Variants in CSMD3 observed in about 807,000 individuals in gnomAD.
CSMD3 encodes the protein CUB and sushi domain-containing protein 3.
Under a neutral mutation model 435.2 loss-of-function variants are expected in CSMD3, and 177 were observed. The observed-to-expected ratio is 0.41, with a 90% confidence interval of 0.36 to 0.46. CSMD3 has a LOEUF of 0.46. CSMD3 is among the 20% of genes least tolerant of loss of function. The probability of loss-of-function intolerance (pLI) is 0.34; values close to 1 mark genes in which losing one functional copy is unlikely to be tolerated. For synonymous variants in CSMD3, 1,656 were observed against 1,520.5 expected, an observed-to-expected ratio of 1.09 and a Z score of -2.07; for missense variants, 4,265 against 4,504.6, an observed-to-expected ratio of 0.95 and a Z score of 1.52.
intron 13 of CSMD3, among the ~76,000 whole-genome samples, chr8:112,691,798 G>GT (rs1311114862): frequency 6.6e-6 from 1 of 151,718 alleles, no homozygotes; most frequent in African/African-American, 2.4e-5. Context: ...TTGTTTGTTT[G>GT]TTTTTTTGTT....
intron 1 of CSMD3, among the ~76,000 whole-genome samples, chr8:113,394,755 A>G (rs2094475603): frequency 6.6e-6 from 1 of 152,182 alleles, no homozygotes; most frequent in Non-Finnish European, 1.5e-5. Context: ...CATGAAAGAC[A>G]TAGACTCTGC....
chr8:112,529,002 TCC>T (rs1825262921), intron 27 of CSMD3, among the ~76,000 whole-genome samples: 1 of 152,084 alleles, frequency 6.6e-6, no homozygotes, highest in African/African-American at 2.4e-5. Context: ...GCTTCAAGCT[TCC>T]CTGCTGCTCA....
chr8:112,719,356 A>C (rs143600887), intron 13 of CSMD3, among the ~76,000 whole-genome samples: 23 of 152,296 alleles, frequency 1.5e-4, no homozygotes, highest in Non-Finnish European at 3.4e-4. Flanking sequence ...TACACTGCTC[A>C]GCTTATGCTG....
chr8:112,496,016 C>T (rs1404462622), intron 30 of CSMD3, among the ~76,000 whole-genome samples: 1 of 151,954 alleles, frequency 6.6e-6, no homozygotes, highest in African/African-American at 2.4e-5. Flanking sequence ...GTAGCCCAGG[C>T]TGGAGTGTAG....
rs2130813791 is a variant in CSMD3, at chr8:112,311,062, G to A, written c.7801C>T (p.Arg2601Ter). Reference protein sequence around the residue: ...VVRWACDRGFRLVGKSSAVCR... With the variant: ...VVRWACDRGF ...ACAGCACTGCTTTTTCCAACAAGTCGGAATCCTCGATCACAGGCCCAACGG... is the reference window on the plus strand; with the variant it reads ...ACAGCACTGCTTTTTCCAACAAGTCAGAATCCTCGATCACAGGCCCAACGG... The change falls in exon 50 of 71, where the codon CGA (arginine) becomes TGA (stop). Residue 2601 changes from arginine (R) to a stop codon, truncating the protein, a stop_gained. Coordinates refer to ENST00000297405, the MANE Select transcript of CSMD3 (RefSeq NM_198123.2). LOFTEE classifies it high-confidence loss of function. 1 of 1,613,984 alleles carries A rather than the reference G, an allele frequency of 6.2e-7. No homozygotes were observed. The highest frequency in any genetic ancestry group is 8.5e-7 in the Non-Finnish European group (1 of 1,179,970).
intron 7 of CSMD3, among the ~76,000 whole-genome samples, chr8:112,959,174 T>A (rs2084140293): frequency 6.6e-6 from 1 of 152,024 alleles, no homozygotes; most frequent in South Asian, 2.1e-4. Flanking sequence ...ACAGACATGT[T>A]TAGTATTAGT....
chr8:112,955,322 T>C (rs755472579), intron 7 of CSMD3, among the ~76,000 whole-genome samples: 2 of 151,766 alleles, frequency 1.3e-5, no homozygotes, highest in Admixed American at 6.6e-5. Flanking sequence ...TTAGTCCATA[T>C]TGCACAAAAT....
chr8:113,159,331 G>T (rs1588174093), intron 4 of CSMD3, among the ~76,000 whole-genome samples: 1 of 151,788 alleles, frequency 6.6e-6, no homozygotes, highest in Admixed American at 6.6e-5. Flanking sequence ...GCCAATATTG[G>T]CCAATAAAAT....
At chr8:113,388,372 AATAATAC>A (rs2094448045) in intron 1 of CSMD3, among the ~76,000 whole-genome samples, 1 of 151,624 alleles carries the variant, frequency 6.6e-6, no homozygotes, top group African/African-American at 2.4e-5. Context: ...TAGATGAATG[AATAATAC>A]ATTGTGGTAC....
intron 1 of CSMD3, among the ~76,000 whole-genome samples, chr8:113,385,373 T>C (rs1432095244): frequency 1.3e-5 from 2 of 152,110 alleles, no homozygotes; most frequent in Non-Finnish European, 2.9e-5. Flanking sequence ...TGAAACGATT[T>C]ACCAATGTCC....
In CSMD3 at chr8:112,415,623, C is replaced by G. The variant is rs532487870; in HGVS notation, c.5396-6591G>C. Among the ~76,000 whole-genome samples, 181 of 152,266 alleles carry G rather than the reference C, an allele frequency of 1.2e-3. 1 individual carries two copies. Among genetic ancestry groups the G allele is most frequent in the Non-Finnish European group, 1.4e-3 (95 of 68,016 alleles). The stretch of plus-strand genomic sequence containing the variant: ...TGGTAGATTCACTGACAGCTTGTAT[C>G]GTGCACCAGGAAAAGTCACAGATGC... On this transcript the variant is annotated intron_variant, in intron 32 of 70. Coordinates refer to ENST00000297405, the MANE Select transcript of CSMD3 (RefSeq NM_198123.2).
chr8:113,000,939 T>C (rs2131068782), intron 6 of CSMD3, among the ~76,000 whole-genome samples: 1 of 152,104 alleles, frequency 6.6e-6, no homozygotes, highest in South Asian at 2.1e-4. Flanking sequence ...CATTCTTTTT[T>C]CCCCCATCTA....
intron 31 of CSMD3, among the ~76,000 whole-genome samples, chr8:112,492,011 T>A (rs1449018762): frequency 3.3e-5 from 5 of 152,232 alleles, no homozygotes; most frequent in Non-Finnish European, 5.9e-5. Context: ...TATCTCCTTC[T>A]AGACAACCTA....
intron 13 of CSMD3, among the ~76,000 whole-genome samples, chr8:112,750,682 A>T (rs2077548198): frequency 6.6e-6 from 1 of 152,112 alleles, no homozygotes; most frequent in Non-Finnish European, 1.5e-5. Flanking sequence ...GAATGATCCA[A>T]GGGTGGAATA....
At chr8:112,399,308 T>A (rs969004085) in intron 35 of CSMD3, among the ~76,000 whole-genome samples, 2 of 151,644 alleles carry the variant, frequency 1.3e-5, no homozygotes, top group African/African-American at 4.9e-5. Context: ...TCAGCCAGGC[T>A]GGAGTGCAAT....
chr8:112,795,462 C>CTTAAATGTT (rs2078806027), intron 13 of CSMD3, among the ~76,000 whole-genome samples: 1 of 152,006 alleles, frequency 6.6e-6, no homozygotes. Context: ...TTCCACATAC[C>CTTAAATGTT]CTTGTCAAAT....
intron 4 of CSMD3, among the ~76,000 whole-genome samples, chr8:113,106,704 G>C (rs2090487884): frequency 6.6e-6 from 1 of 152,162 alleles, no homozygotes; most frequent in African/African-American, 2.4e-5. Context: ...GTGTTGCTGG[G>C]AGGCAGCTGC....
At position 112,905,027 on chromosome 8, in the gene CSMD3, C is replaced by T. The variant is rs1240621981; in HGVS notation, c.1633+16600G>A. Among the ~76,000 whole-genome samples the T allele has an allele frequency of 2.0e-5, 3 of 151,078 alleles. No individual in the cohort carries two copies. The East Asian group carries it at 5.9e-4, about 30-fold the overall frequency. Reference sequence around the variant, plus strand: ...AAAAATGGAATGGATTTGGTTCCAGCCTATGACATTCAGATTAATCAAAGT... The same window carrying T: ...AAAAATGGAATGGATTTGGTTCCAGTCTATGACATTCAGATTAATCAAAGT... On this transcript the variant is annotated intron_variant, in intron 10 of 70. Coordinates refer to ENST00000297405, the MANE Select transcript of CSMD3 (RefSeq NM_198123.2).
At chr8:113,408,773 T>G (rs1588677011) in intron 1 of CSMD3, among the ~76,000 whole-genome samples, 1 of 151,982 alleles carries the variant, frequency 6.6e-6, no homozygotes, top group Admixed American at 6.6e-5. Context: ...CAAGCGATTC[T>G]TCTGTCTCAG....
Sources: allele counts gnomAD v4.1 joint callset (sites outside exome capture counted in the v4.1 genomes callset), GRCh38; gene constraint gnomAD v4.1.1; transcripts MANE v1.5; gene names NCBI Gene and HGNC (gene_info 2026-07-23, HGNC 2026-07-21).